ACTR3C: variants seen among roughly 807,000 people sequenced by gnomAD.
ACTR3C encodes actin related protein 3C.
In ACTR3C, 18 loss-of-function variants were observed where a neutral mutation model predicts 26.3. The ratio of observed to expected loss-of-function variants is 0.68; its 90% confidence interval spans 0.47 to 1.01. ACTR3C has a LOEUF of 1.01. ACTR3C is among the 50% of genes least tolerant of loss of function. The pLI is 0.00. For synonymous variants in ACTR3C, 55 were observed against 94.5 expected (o/e 0.58, Z 2.42); for missense variants, 184 against 250.7 (o/e 0.73, Z 1.80).
the ACTR3C span, among the ~76,000 whole-genome samples, chr7:150,193,022 T>C: frequency 2.0e-5 from 3 of 152,214 alleles, no homozygotes; most frequent in Non-Finnish European, 4.4e-5. Flanking sequence ...TCACCTTTCC[T>C]TCTCCCAAAC....
intron 6 of ACTR3C, among the ~76,000 whole-genome samples, chr7:150,261,724 A>C (rs1351145716): frequency 0.026 from 4,017 of 152,266 alleles, 49 homozygotes; most frequent in African/African-American, 0.092. Flanking sequence ...ATAAATAAAT[A>C]AACTGTACCT....
At chr7:150,153,221 T>A in the ACTR3C span, among the ~76,000 whole-genome samples, 2 of 151,940 alleles carry the variant, frequency 1.3e-5, no homozygotes, top group African/African-American at 4.8e-5. Flanking sequence ...AACTGACAAA[T>A]GGGATCTAAT....
downstream of ACTR3C, chr7:150,245,077 C>T (rs1832393459): frequency 6.6e-6 from 1 of 152,162 alleles, no homozygotes; most frequent in South Asian, 2.1e-4. Flanking sequence ...TAGCAACTGC[C>T]CTCTTTCAAC....
At chr7:150,226,555 G>T in the ACTR3C span, among the ~76,000 whole-genome samples, 4 of 152,040 alleles carry the variant, frequency 2.6e-5, no homozygotes, top group Non-Finnish European at 5.9e-5. Context: ...TCCTGCCTTA[G>T]CCTCCTGAGT....
intron 6 of ACTR3C, chr7:150,264,640 A>G (rs1404047923): frequency 1.0e-6 from 1 of 963,560 alleles, no homozygotes; most frequent in African/African-American, 1.8e-5. Flanking sequence ...TGAAGAAAAC[A>G]AAAGTCCCTA....
chr7:149,887,411 C>T, the ACTR3C span, among the ~76,000 whole-genome samples: 10 of 152,226 alleles, frequency 6.6e-5, no homozygotes, highest in Non-Finnish European at 1.2e-4. Context: ...ACTGTGATAA[C>T]AGACTGTAGG....
At chr7:150,049,099 C>T in the ACTR3C span, among the ~76,000 whole-genome samples, 49,075 of 147,024 alleles carry the variant, frequency 0.33, 5,038 homozygotes, top group East Asian at 0.47. Flanking sequence ...CGCGCGCTCT[C>T]GGGCTTGCCT....
At chr7:150,123,764 G>A in the ACTR3C span, among the ~76,000 whole-genome samples, 1 of 152,160 alleles carries the variant, frequency 6.6e-6, no homozygotes, top group South Asian at 2.1e-4. Flanking sequence ...ACATGAAAAA[G>A]AGCCAGAAGC....
chr7:150,249,870 A>G (rs147296899), intron 6 of ACTR3C, among the ~76,000 whole-genome samples: 1 of 152,328 alleles, frequency 6.6e-6, no homozygotes, highest in East Asian at 1.9e-4. Context: ...TATTTAAAAG[A>G]TGGGAAGTGG....
At chr7:150,315,364 G>A (rs1469809033) in intron 1 of ACTR3C, among the ~76,000 whole-genome samples, 5 of 152,040 alleles carry the variant, frequency 3.3e-5, no homozygotes, top group Non-Finnish European at 7.4e-5. Flanking sequence ...CCATATACCT[G>A]GAAGAGGATA....
the ACTR3C span, among the ~76,000 whole-genome samples, chr7:149,941,166 G>C: frequency 7.9e-5 from 12 of 152,248 alleles, no homozygotes; most frequent in Non-Finnish European, 1.8e-4. Flanking sequence ...CCGTCTGAGA[G>C]AAGGGATGTC....
chr7:150,254,272 A>T (rs1397886582), intron 6 of ACTR3C, among the ~76,000 whole-genome samples: 1 of 152,210 alleles, frequency 6.6e-6, no homozygotes. Context: ...GTCCATTTCA[A>T]CATTGGAACC....
the ACTR3C span, among the ~76,000 whole-genome samples, chr7:150,134,459 TACTGAGTC>T: frequency 6.6e-6 from 1 of 152,244 alleles, no homozygotes; most frequent in East Asian, 1.9e-4. Context: ...TAGAAAAAGT[TACTGAGTC>T]ACAAACACCA....
At chr7:150,316,743 C>T (rs191388988) in intron 1 of ACTR3C, among the ~76,000 whole-genome samples, 2 of 152,168 alleles carry the variant, frequency 1.3e-5, no homozygotes, top group South Asian at 2.1e-4. Context: ...TTCGGCCTTC[C>T]GAAGTGCTGG....
chr7:150,009,366 G>A, the ACTR3C span, among the ~76,000 whole-genome samples: 67 of 152,358 alleles, frequency 4.4e-4, no homozygotes, highest in Admixed American at 1.2e-3. Context: ...CAGCAGGTCT[G>A]TGCATTCAGT....
At chr7:150,068,606 G>A in the ACTR3C span, among the ~76,000 whole-genome samples, 6 of 137,176 alleles carry the variant, frequency 4.4e-5, no homozygotes, top group Non-Finnish European at 7.9e-5. Flanking sequence ...GTGAAACCCC[G>A]TCTCTACTAA....
chr7:150,112,227 A>G, the ACTR3C span, among the ~76,000 whole-genome samples: 4 of 151,980 alleles, frequency 2.6e-5, no homozygotes, highest in African/African-American at 9.7e-5. Flanking sequence ...TCCTTGACTC[A>G]TGGGGCTGGG....
At chr7:150,035,168 G>C in the ACTR3C span, among the ~76,000 whole-genome samples, 3 of 141,086 alleles carry the variant, frequency 2.1e-5, no homozygotes, top group Non-Finnish European at 4.8e-5. Flanking sequence ...AAGCCAGGGG[G>C]GGAAGAGGGT....
chr7:149,891,699 C>T, the ACTR3C span, among the ~76,000 whole-genome samples: 19 of 142,022 alleles, frequency 1.3e-4, no homozygotes, highest in Non-Finnish European at 2.8e-4. Context: ...GTGGTGCGTG[C>T]CTGTAGTCCC....
Sources: gnomAD v4.1 joint callset for allele counts (sites outside exome capture counted in the v4.1 genomes callset) on GRCh38, gnomAD v4.1.1 for gene constraint, MANE v1.5 for transcripts, NCBI Gene and HGNC (gene_info 2026-07-23, HGNC 2026-07-21) for gene names.